The following TTLL12 variants were observed in gnomAD, a reference collection of about 807,000 sequenced individuals.
TTLL12 encodes the protein tubulin--tyrosine ligase-like protein 12.
Under a neutral mutation model 79.6 loss-of-function variants are expected in TTLL12, and 77 were observed. The ratio of observed to expected loss-of-function variants is 0.97; its 90% CI spans 0.81 to 1.17. TTLL12 has a LOEUF of 1.17. Among genes scored for constraint, TTLL12 ranks in the 50% most tolerant of loss-of-function variants. The pLI is 0.00. For missense variants in TTLL12, 969 were observed against 895.9 expected, an observed-to-expected ratio of 1.08 and a Z score of -1.04; for synonymous variants, 437 against 376.1, an observed-to-expected ratio of 1.16 and a Z score of -1.87.
intron 8 of TTLL12, 59 bp downstream of exon 8, chr22:43,174,150 C>T: frequency 1.3e-6 from 2 of 1,561,168 alleles, no homozygotes; most frequent in Non-Finnish European, 1.7e-6. Context: ...CAGGCGGACA[C>T]AGACGCTGGG....
At position 43,179,663 on chromosome 22, in the gene TTLL12, C is replaced by G; in HGVS notation, c.796G>C (p.Asp266His). Residue 266 changes from aspartate to histidine, a missense_variant, in exon 5 of 14, where the codon GAC (aspartate) becomes CAC (histidine). Physicochemically the swap from Asp to His is moderately conservative, Grantham distance 81 (BLOSUM62 -1). Transcript: ENST00000216129. ...GGCTCGGGTGTGCAAGAGCTGAGGTCCAGCATGTCGGTGGGGGCCCAGGGC... is the reference window on the plus strand; with the variant it reads ...GGCTCGGGTGTGCAAGAGCTGAGGTGCAGCATGTCGGTGGGGGCCCAGGGC... ...LLPWAPTDML[D>H]LSSCTPEPPA... The G allele has an allele frequency of 6.3e-7, 1 of 1,582,600 alleles. No homozygotes were observed. The highest frequency in any genetic ancestry group is 8.6e-7 in the Non-Finnish European group (1 of 1,164,934).
intron 13 of TTLL12, 149 bp downstream of exon 13, chr22:43,168,625 G>C: frequency 8.5e-7 from 1 of 1,169,610 alleles, no homozygotes; most frequent in Non-Finnish European, 1.2e-6. Context: ...ACTTCCTGTG[G>C]GCCAAGCCAG....
At position 43,168,761 on chromosome 22, in the gene TTLL12, G is replaced by A. The variant is rs925937066; in HGVS notation, c.1783+13C>T. The A allele has an allele frequency of 7.1e-6, 11 of 1,551,218 alleles. No homozygotes were observed. Among genetic ancestry groups the A allele is most frequent in the Admixed American group, 3.9e-5 (2 of 51,092 alleles). ...CTGCTGGTTTGGATCAGGAGATGGG[G>A]AGCCCCTCTTACCATCTGGGCCGTT... On this transcript the variant is annotated intron_variant, in intron 13 of 13. Transcript: ENST00000216129.
intron 1 of TTLL12, chr22:43,185,848 T>C (rs1932170312): frequency 1.7e-6 from 1 of 593,420 alleles, no homozygotes; most frequent in Admixed American, 6.4e-5. Flanking sequence ...CAAACCAAGG[T>C]CCCTTCCACC....
chr22:43,186,934 C>A lies in TTLL12; in HGVS notation c.136G>T (p.Glu46Ter). The A allele has an allele frequency of 7.3e-7, 1 of 1,363,802 alleles. No individual in the cohort carries two copies. The allele number at this position is 1,363,802 out of a possible 1,614,324, so 84.5% of individuals were successfully genotyped here. A position where few individuals can be genotyped will look rare whatever the true frequency, so the allele number is the denominator to read the frequency against. Residue 46 changes from glutamate (E) to a stop codon, truncating the protein, a stop_gained, in exon 1 of 14, where the codon GAA becomes TAA. Coordinates refer to ENST00000216129, the MANE Select transcript of TTLL12 (RefSeq NM_015140.4). LOFTEE classifies it high-confidence loss of function. ...TGCAGGAGGCGGCCCCAGTAACGTT[C>A]GGGGACCCCCGAAGCGCGCAGCGCC... ...GPALRASGVP[E>*]RYWGRLLHKL...
chr22:43,166,725 G>A lies in TTLL12; in HGVS notation c.*1283C>T, dbSNP rs1163451514. On this transcript the variant is annotated 3_prime_UTR_variant, in exon 14 of 14. Coordinates refer to ENST00000216129, the MANE Select transcript of TTLL12 (RefSeq NM_015140.4). The stretch of plus-strand genomic sequence containing the variant: ...ACGGGCCCGCCCTGCCCCTGCAACA[G>A]GCCCTCCAGGGGCTAGAGCATGGCT... The A allele has an allele frequency of 6.5e-6, 1 of 153,152 alleles. No individual in the cohort carries two copies. Among genetic ancestry groups the A allele is most frequent in the Non-Finnish European group, 1.5e-5 (1 of 68,572 alleles). The allele number at this position is 153,152 out of a possible 1,614,324, so 9.5% of individuals were successfully genotyped here.
chr22:43,186,640 T>G (rs944851117), intron 1 of TTLL12, among the ~76,000 whole-genome samples: 5 of 152,128 alleles, frequency 3.3e-5, no homozygotes, highest in Non-Finnish European at 7.4e-5. Context: ...CTCGGGTGTG[T>G]GGAGGACCTA....
At position 43,172,521 on chromosome 22, in the gene TTLL12, A is replaced by G. The variant is rs764103208; in HGVS notation, c.1375T>C (p.Phe459Leu). The change falls in exon 10 of 14, where the codon TTC becomes CTC. Residue 459 changes from phenylalanine to leucine, a missense_variant. Transcript: ENST00000216129. ...VSKYIESPVL[F>L]LREDVGKVKF... is the part of the protein sequence containing the mutation. ...ACCTTTCCCACGTCTTCTCGAAGGA[A>G]CAACACGGGACTTTCGATGTACTTG... The G allele has an allele frequency of 1.9e-6, 3 of 1,614,068 alleles. No homozygotes were observed. The East Asian group carries it at 6.7e-5, about 36-fold the overall frequency.
intron 11 of TTLL12, 95 bp from the exon 12 acceptor site, chr22:43,169,663 C>G (rs1931714091): frequency 7.3e-7 from 1 of 1,371,606 alleles, no homozygotes; most frequent in Admixed American, 2.0e-5. Context: ...GCTTCTGACA[C>G]TGGGTGGGGG....
In TTLL12 at chr22:43,179,919, C is replaced by A; in HGVS notation, c.628G>T (p.Ala210Ser). 6.2e-7 allele frequency: 1 copy of A among 1,611,002 alleles called. No individual in the cohort carries two copies. Among genetic ancestry groups the A allele is most frequent in the Non-Finnish European group, 8.5e-7 (1 of 1,179,914 alleles). Residue 210 changes from alanine (A) to serine (S), a missense_variant, in exon 4 of 14, where the codon GCC becomes TCC. By Grantham distance (99) the Ala-to-Ser change is moderately conservative (BLOSUM62 1). Transcript: ENST00000216129. Reference protein sequence around the residue: ...RIQHADVPSFATAPFFYMPQQ... With the variant: ...RIQHADVPSFSTAPFFYMPQQ... ...GGCATGTAGAAGAAGGGTGCCGTGG[C>A]GAAGCTGGGCACGTCCGCGTGCTGG...
In TTLL12 at chr22:43,186,748, C is replaced by T. The variant is rs1932194727; in HGVS notation, c.177+145G>A. The T allele has an allele frequency of 5.9e-6, 5 of 844,252 alleles. No homozygotes were observed. In the Admixed American group the frequency reaches 2.3e-4, roughly 39 times the overall value. The allele number at this position is 844,252 out of a possible 1,614,324, so 52.3% of individuals were successfully genotyped here. ...TGTCACTCTTCGGCCCCCAACTCCACGCCGCTCCAGAGCTGCCCAGGACGC... is the reference window on the plus strand; with the variant it reads ...TGTCACTCTTCGGCCCCCAACTCCATGCCGCTCCAGAGCTGCCCAGGACGC... On this transcript the variant is annotated intron_variant, in intron 1 of 13. Coordinates refer to ENST00000216129, the MANE Select transcript of TTLL12 (RefSeq NM_015140.4).
intron 3 of TTLL12, 82 bp downstream of exon 3, chr22:43,180,660 C>T (rs922209454): frequency 6.7e-7 from 1 of 1,494,816 alleles, no homozygotes; most frequent in Non-Finnish European, 9.2e-7. Context: ...GCCGGCCCCT[C>T]ACCCGGCCTG....
At chr22:43,169,653 G>A in intron 11 of TTLL12, 85 bp from the exon 12 acceptor site, 2 of 1,440,296 alleles carry the variant, frequency 1.4e-6, no homozygotes, top group Non-Finnish European at 1.9e-6. Context: ...TGGACCAGGA[G>A]CTTCTGACAC....
intron 9 of TTLL12, 127 bp from the exon 10 acceptor site, chr22:43,172,681 T>G: frequency 2.1e-6 from 2 of 964,144 alleles, no homozygotes; most frequent in Non-Finnish European, 3.0e-6. Context: ...TTTTCAAACC[T>G]GCCTAAGTTG....
At chr22:43,176,906 A>G (rs563869676) in intron 5 of TTLL12, among the ~76,000 whole-genome samples, 1 of 152,088 alleles carries the variant, frequency 6.6e-6, no homozygotes, top group South Asian at 2.1e-4. Context: ...CGGATGCCGA[A>G]CAGTCCTAGT....
Position 43,179,828 on chromosome 22 carries a change from G to C in TTLL12, c.706+13C>G, listed in dbSNP as rs775723823. The C allele has an allele frequency of 1.3e-6, 2 of 1,576,622 alleles. No homozygotes were observed. Among genetic ancestry groups the C allele is most frequent in the East Asian group, 4.5e-5 (2 of 44,352 alleles). Reference sequence around the variant, plus strand: ...GAGGCCCCTCCTCCAGGGCGGGCAGGTGCTGGACTTACCGCCAGTGTCCAG... The same window carrying C: ...GAGGCCCCTCCTCCAGGGCGGGCAGCTGCTGGACTTACCGCCAGTGTCCAG... On this transcript the variant is annotated intron_variant, in intron 4 of 13. Coordinates refer to ENST00000216129, the MANE Select transcript of TTLL12 (RefSeq NM_015140.4).
intron 11 of TTLL12, among the ~76,000 whole-genome samples, chr22:43,171,104 G>A (rs1186236247): frequency 2.0e-5 from 3 of 152,138 alleles, no homozygotes; most frequent in Non-Finnish European, 1.5e-5. Flanking sequence ...CAGGCAGGGT[G>A]GGGTAGGTGT....
chr22:43,182,269 A>G (rs1335348685), intron 2 of TTLL12, among the ~76,000 whole-genome samples: 3 of 152,218 alleles, frequency 2.0e-5, no homozygotes, highest in Non-Finnish European at 2.9e-5. Flanking sequence ...GGTGAGCCCA[A>G]GCACGCATGG....
intron 1 of TTLL12, among the ~76,000 whole-genome samples, chr22:43,185,437 C>CCAG: frequency 6.6e-6 from 1 of 151,510 alleles, no homozygotes; most frequent in East Asian, 1.9e-4. Context: ...CACACCTGGG[C>CCAG]CAGTAGCAGC....
Sources: gnomAD v4.1 joint callset for allele counts (sites outside exome capture counted in the v4.1 genomes callset) on GRCh38, gnomAD v4.1.1 for gene constraint, MANE v1.5 for transcripts, NCBI Gene and HGNC (gene_info 2026-07-23, HGNC 2026-07-21) for gene names.